The following AATK variants were observed in gnomAD, a reference collection of about 807,000 sequenced individuals.
The protein encoded by AATK is lemur tail kinase 1, also known as serine/threonine-protein kinase LMTK1.
AATK carries 91 observed loss-of-function variants against 114.3 expected under a neutral mutation model. That is an observed-to-expected ratio of 0.80 (90% CI 0.67 to 0.95). The LOEUF is 0.95. Ranked by LOEUF, AATK falls within the 40% of genes least tolerant of loss-of-function variation. AATK has a pLI of 0.00. For missense variants in AATK, 2,176 were observed against 1,965.2 expected (o/e 1.11, Z -2.03); for synonymous variants, 1,075 against 916.5 (o/e 1.17, Z -3.12).
chr17:81,121,065 C>G lies in AATK; in HGVS notation c.2871G>C (p.Gly957=), dbSNP rs1261236192. Reference sequence around the variant, plus strand: ...GCTCCGCAAAGGCCTGGGGCTCACACCCTTCCTGCGCCTCCTTGAGCACAA... The same window carrying G: ...GCTCCGCAAAGGCCTGGGGCTCACAGCCTTCCTGCGCCTCCTTGAGCACAA... ...PEFVLKEAQE[G]CEPQAFAELA... The change falls in exon 11 of 14, where the codon GGG becomes GGC. Residue 957 remains glycine, a synonymous_variant. Transcript: ENST00000326724. 4 of 1,608,284 alleles carry G rather than the reference C, an allele frequency of 2.5e-6. No individual in the cohort carries two copies. Among genetic ancestry groups the G allele is most frequent in the Admixed American group, 1.7e-5 (1 of 59,636 alleles).
intron 9 of AATK, 56 bp from the exon 10 acceptor site, chr17:81,123,399 G>A (rs984862959): frequency 7.7e-5 from 100 of 1,305,636 alleles, no homozygotes; most frequent in African/African-American, 1.2e-4. Context: ...AGCAAGGACC[G>A]CGCAGGATCC....
At chr17:81,118,520 C>T in intron 13 of AATK, 78 bp from the exon 14 acceptor site, 4 of 1,474,740 alleles carry the variant, frequency 2.7e-6, no homozygotes, top group South Asian at 1.2e-5. Flanking sequence ...CACCTGGCCT[C>T]CATCCCTGGC....
chr17:81,145,339 A>G (rs948689203), intron 1 of AATK, among the ~76,000 whole-genome samples: 13 of 152,216 alleles, frequency 8.5e-5, no homozygotes, highest in Admixed American at 7.2e-4. Flanking sequence ...TCTTAAAAGA[A>G]AATAGGTAAA....
intron 9 of AATK, 81 bp downstream of exon 9, chr17:81,124,646 T>A: frequency 1.3e-6 from 2 of 1,573,840 alleles, no homozygotes. Context: ...CTGACCTCAC[T>A]ACTCATGGCC....
rs1174069471 is a variant in AATK, at chr17:81,122,482, C to T, written c.1454G>A (p.Arg485His). The T allele has an allele frequency of 6.9e-6, 10 of 1,456,278 alleles. No homozygotes were observed. The highest frequency in any genetic ancestry group is 5.1e-5 in the South Asian group (4 of 78,738). 90.2% of individuals were successfully genotyped at this position (1,456,278 alleles called of 1,614,324 possible). Residue 485 changes from arginine to histidine, a missense_variant, in exon 11 of 14, where the codon CGC becomes CAC. By Grantham distance (29) the Arg-to-His change is conservative. Coordinates refer to ENST00000326724, the MANE Select transcript of AATK (RefSeq NM_001080395.3). ...LNFEYKWEAGRGAEAFPATLS... is the reference protein window; with the variant it reads ...LNFEYKWEAGHGAEAFPATLS... ...CGTGGCCGGGAAGGCCTCCGCGCCG[C>T]GGCCCGCCTCCCACTTGTACTCAAA...
intron 1 of AATK, chr17:81,165,569 G>T: frequency 1.7e-6 from 2 of 1,211,210 alleles, no homozygotes; most frequent in Non-Finnish European, 2.2e-6. Flanking sequence ...GAGAGGCCAT[G>T]GAAAGCCTGA....
chr17:81,159,399 G>A (rs976397903), intron 1 of AATK, among the ~76,000 whole-genome samples: 1 of 152,178 alleles, frequency 6.6e-6, no homozygotes, highest in African/African-American at 2.4e-5. Flanking sequence ...TCGGGGGCTG[G>A]GCGTGCTGCC....
chr17:81,154,319 C>CTTTTTT (rs202002919), intron 1 of AATK, among the ~76,000 whole-genome samples: 73 of 113,768 alleles, frequency 6.4e-4, no homozygotes, highest in African/African-American at 1.4e-3. Flanking sequence ...TTTTTTCTTT[C>CTTTTTT]TTTTTTTTTT....
chr17:81,133,083 G>A (rs899393494), intron 2 of AATK: 3 of 343,094 alleles, frequency 8.7e-6, no homozygotes, highest in Non-Finnish European at 1.7e-5. Flanking sequence ...TGGTGCCAGC[G>A]GGTCAGGGGT....
At chr17:81,148,384 T>G (rs1309047183) in intron 1 of AATK, among the ~76,000 whole-genome samples, 5 of 152,190 alleles carry the variant, frequency 3.3e-5, no homozygotes, top group Non-Finnish European at 5.9e-5. Context: ...TGACATGCTG[T>G]CCCAACACCC....
chr17:81,155,299 C>T (rs1014201436), intron 1 of AATK, among the ~76,000 whole-genome samples: 6 of 152,202 alleles, frequency 3.9e-5, no homozygotes, highest in East Asian at 1.9e-4. Flanking sequence ...TTCAGACGAA[C>T]GCAGTGATGT....
chr17:81,139,327 T>C (rs1055457062), intron 1 of AATK, among the ~76,000 whole-genome samples: 9 of 152,218 alleles, frequency 5.9e-5, no homozygotes, highest in Non-Finnish European at 1.3e-4. Flanking sequence ...GGGAGGCCTC[T>C]GTAGGGTCTG....
At chr17:81,130,257 T>C (rs1025242969) in intron 3 of AATK, among the ~76,000 whole-genome samples, 8 of 152,106 alleles carry the variant, frequency 5.3e-5, no homozygotes, top group Non-Finnish European at 7.4e-5. Context: ...TGGGCAGTGA[T>C]GGGGGAAGCC....
chr17:81,159,219 G>A (rs1047211072), intron 1 of AATK, among the ~76,000 whole-genome samples: 1 of 152,204 alleles, frequency 6.6e-6, no homozygotes, highest in Non-Finnish European at 1.5e-5. Flanking sequence ...TTACCTCTCA[G>A]TAAAGGGGCC....
intron 1 of AATK, among the ~76,000 whole-genome samples, chr17:81,143,781 C>T (rs1344617214): frequency 6.6e-6 from 1 of 152,254 alleles, no homozygotes; most frequent in Non-Finnish European, 1.5e-5. Flanking sequence ...TCTCCACCCA[C>T]ACTGCCTCTT....
At chr17:81,129,913 G>A (rs934175928) in intron 3 of AATK, among the ~76,000 whole-genome samples, 2 of 152,212 alleles carry the variant, frequency 1.3e-5, no homozygotes, top group Non-Finnish European at 2.9e-5. Flanking sequence ...GATTCCTGCC[G>A]AACTGGGAAC....
chr17:81,126,699 C>G lies in AATK; in HGVS notation c.622-139G>C. On this transcript the variant is annotated intron_variant, in intron 6 of 13. Coordinates refer to ENST00000326724, the MANE Select transcript of AATK (RefSeq NM_001080395.3). This position sits in a 1 kb window ranked among gnomAD's most constrained non-coding sequence, Gnocchi z 5.1. ...CTGCCCAGAGCAGCCTCGTGCCCTG[C>G]ACAGTGGCCAGCACCCAGCAGTTCC... 1.4e-6 allele frequency: 2 copies of G among 1,435,520 alleles called. No homozygotes were observed. The highest frequency in any genetic ancestry group is 1.4e-5 in the African/African-American group (1 of 69,992). The allele number at this position is 1,435,520 out of a possible 1,614,324, so 88.9% of individuals were successfully genotyped here.
chr17:81,149,261 G>T (rs542136082), intron 1 of AATK, among the ~76,000 whole-genome samples: 2 of 151,926 alleles, frequency 1.3e-5, no homozygotes, highest in African/African-American at 4.8e-5. Context: ...CACCACCACA[G>T]CCTCCAGCCC....
chr17:81,119,761 G>A (rs941132318), intron 12 of AATK, among the ~76,000 whole-genome samples, 175 bp downstream of exon 12: 2 of 149,880 alleles, frequency 1.3e-5, no homozygotes, highest in African/African-American at 4.9e-5. Context: ...CCCGCCTTCC[G>A]TGACGTCACG....
Sources: gnomAD v4.1 joint callset for allele counts (sites outside exome capture counted in the v4.1 genomes callset) on GRCh38, gnomAD v4.1.1 for gene constraint, Gnocchi (gnomAD v3.1) non-coding constraint, MANE v1.5 for transcripts, NCBI Gene and HGNC (gene_info 2026-07-23, HGNC 2026-07-21) for gene names.